Variants in PDZRN4 observed in about 807,000 individuals in gnomAD.
The protein encoded by PDZRN4 is PDZ domain containing ring finger 4.
In PDZRN4, 70 loss-of-function variants were observed where a neutral mutation model predicts 99.0. The observed-to-expected ratio is 0.71, with a 90% CI of 0.58 to 0.86. The LOEUF (loss-of-function observed/expected upper bound fraction) is 0.86, where lower values mean the gene tolerates loss of function less well. Ranked by LOEUF, PDZRN4 falls within the 40% of genes least tolerant of loss-of-function variation. The probability of loss-of-function intolerance (pLI) is 0.00; values close to 1 mark genes in which losing one functional copy is unlikely to be tolerated. For missense variants in PDZRN4, 1,474 were observed against 1,331.2 expected (o/e 1.11, Z -1.67); for synonymous variants, 551 against 501.6 (o/e 1.10, Z -1.32).
intron 3 of PDZRN4, among the ~76,000 whole-genome samples, chr12:41,197,892 TTC>T: frequency 2.1e-5 from 3 of 143,850 alleles, no homozygotes; most frequent in South Asian, 4.3e-4. Context: ...TTCTTTCTTC[TTC>T]TTCTTCTTTT....
intron 3 of PDZRN4, among the ~76,000 whole-genome samples, chr12:41,301,274 T>C (rs527280062): frequency 1.3e-5 from 2 of 152,152 alleles, no homozygotes; most frequent in African/African-American, 4.8e-5. Context: ...ATACGCACTG[T>C]GAGGATTTCT....
At chr12:41,264,932 C>G (rs1951266528) in intron 3 of PDZRN4, among the ~76,000 whole-genome samples, 1 of 151,940 alleles carries the variant, frequency 6.6e-6, no homozygotes, top group Non-Finnish European at 1.5e-5. Context: ...ACACTGGGTA[C>G]TCCAAAAGTG....
intron 3 of PDZRN4, among the ~76,000 whole-genome samples, chr12:41,303,463 A>G (rs946930545): frequency 6.6e-6 from 1 of 152,212 alleles, no homozygotes; most frequent in African/African-American, 2.4e-5. Flanking sequence ...GCCAAAGGCT[A>G]CATACATCTA....
intron 3 of PDZRN4, among the ~76,000 whole-genome samples, chr12:41,360,626 G>T (rs1431282187): frequency 2.6e-5 from 4 of 151,928 alleles, no homozygotes; most frequent in African/African-American, 9.7e-5. Context: ...GGCTTATTTG[G>T]TGCAAAAAAA....
chr12:41,499,259 G>A (rs574113809), intron 3 of PDZRN4, among the ~76,000 whole-genome samples: 1 of 152,210 alleles, frequency 6.6e-6, no homozygotes. Flanking sequence ...AAGACAGAGA[G>A]CTGGGTAAAA....
rs149165748 is a variant in PDZRN4 at position 41,306,318 on chromosome 12, T to C, written c.843+112130T>C. 5.5e-4 allele frequency among the ~76,000 whole-genome samples: 84 copies of C among 152,322 alleles called. 2 individuals are homozygous for C. The East Asian group carries it at 0.014, about 26-fold the overall frequency. On this transcript the variant is annotated intron_variant, in intron 3 of 9. Coordinates refer to ENST00000402685, the MANE Select transcript of PDZRN4 (RefSeq NM_001164595.2). ...CTTTGACCAGAGACTGTTGGGTCTG[T>C]TGAAACTGAGGTAGTGGCCCTGATG...
At chr12:41,266,521 A>G (rs1951278269) in intron 3 of PDZRN4, among the ~76,000 whole-genome samples, 1 of 152,184 alleles carries the variant, frequency 6.6e-6, no homozygotes, top group South Asian at 2.1e-4. Flanking sequence ...AGGAAGCTAG[A>G]TCCCAGGCTA....
intron 1 of PDZRN4, among the ~76,000 whole-genome samples, chr12:41,190,644 A>G (rs575902306): frequency 2.9e-4 from 44 of 152,300 alleles, no homozygotes; most frequent in African/African-American, 9.6e-4. Flanking sequence ...TCCTGGGAAA[A>G]TATCTTGATG....
At chr12:41,255,163 G>A (rs1951195540) in intron 3 of PDZRN4, among the ~76,000 whole-genome samples, 1 of 152,170 alleles carries the variant, frequency 6.6e-6, no homozygotes. Flanking sequence ...AGGGGACAGA[G>A]TTTAGTGAGA....
At chr12:41,354,564 G>A (rs1345427555) in intron 3 of PDZRN4, among the ~76,000 whole-genome samples, 1 of 151,950 alleles carries the variant, frequency 6.6e-6, no homozygotes, top group Non-Finnish European at 1.5e-5. Context: ...ATTCATAAAT[G>A]AAGGAGAACA....
intron 3 of PDZRN4, among the ~76,000 whole-genome samples, chr12:41,481,714 A>G (rs1163209876): frequency 6.6e-6 from 1 of 152,146 alleles, no homozygotes; most frequent in Non-Finnish European, 1.5e-5. Context: ...TGTTTGCACT[A>G]GTAATTTCTC....
chr12:41,539,169 A>T (rs575348823), intron 5 of PDZRN4, among the ~76,000 whole-genome samples: 218 of 151,992 alleles, frequency 1.4e-3, no homozygotes, highest in African/African-American at 4.9e-3. Context: ...CTCCTCCAGA[A>T]TGGACATATC....
intron 3 of PDZRN4, among the ~76,000 whole-genome samples, chr12:41,382,735 T>A (rs1329914165): frequency 1.3e-5 from 2 of 152,204 alleles, no homozygotes; most frequent in African/African-American, 4.8e-5. Flanking sequence ...TGCACTGATC[T>A]TTTTTCATTC....
chr12:41,532,455 T>C (rs902308438), intron 5 of PDZRN4, among the ~76,000 whole-genome samples: 1 of 152,234 alleles, frequency 6.6e-6, no homozygotes, highest in African/African-American at 2.4e-5. Flanking sequence ...AACAATGTTA[T>C]AGATTTTGAA....
chr12:41,453,251 G>A (rs928817524), intron 3 of PDZRN4, among the ~76,000 whole-genome samples: 1 of 152,132 alleles, frequency 6.6e-6, no homozygotes, highest in African/African-American at 2.4e-5. Context: ...TCAGTCTTCA[G>A]CACCCACTGT....
intron 6 of PDZRN4, among the ~76,000 whole-genome samples, chr12:41,555,031 A>G (rs1287492577): frequency 1.4e-5 from 2 of 139,738 alleles, no homozygotes; most frequent in African/African-American, 5.4e-5. Flanking sequence ...ACACGGTGAA[A>G]CCCCATCTCT....
chr12:41,285,176 C>T (rs561684364), intron 3 of PDZRN4, among the ~76,000 whole-genome samples: 2 of 152,036 alleles, frequency 1.3e-5, no homozygotes, highest in Admixed American at 6.5e-5. Flanking sequence ...AAACAAAAAA[C>T]CCCATCGAAA....
chr12:41,312,373 T>C (rs1031833324), intron 3 of PDZRN4, among the ~76,000 whole-genome samples: 4 of 152,188 alleles, frequency 2.6e-5, no homozygotes, highest in African/African-American at 9.6e-5. Flanking sequence ...TTTGTTCTTT[T>C]AATAAATCCA....
At position 41,231,484 on chromosome 12, in the gene PDZRN4, TAG is replaced by T. The variant is rs1464684729; in HGVS notation, c.843+37299_843+37300del. On this transcript the variant is annotated intron_variant, in intron 3 of 9. Coordinates refer to ENST00000402685, the MANE Select transcript of PDZRN4 (RefSeq NM_001164595.2). ...CCTATCTATTTGACTCCCATGTTGT[TAG>T]AGTGATGGTGGCATGCAAATAGATT... Among the ~76,000 whole-genome samples the T allele has an allele frequency of 3.3e-5, 5 of 152,020 alleles. No individual in the cohort carries two copies. The East Asian group carries it at 9.7e-4, about 29-fold the overall frequency.
Sources: allele counts gnomAD v4.1 joint callset (sites outside exome capture counted in the v4.1 genomes callset), GRCh38; gene constraint gnomAD v4.1.1; transcripts MANE v1.5; gene names NCBI Gene and HGNC (gene_info 2026-07-23, HGNC 2026-07-21).